ZNF560: variants seen among roughly 807,000 people sequenced by gnomAD.
The protein encoded by ZNF560 is zinc finger protein 560.
A neutral mutation model predicts 81.8 loss-of-function variants in ZNF560; 54 were observed. That is an observed-to-expected ratio of 0.66 (90% CI 0.53 to 0.83). The LOEUF (loss-of-function observed/expected upper bound fraction) is 0.83. Among genes scored for constraint, ZNF560 ranks in the 40% least tolerant of loss-of-function variants. ZNF560 has a pLI of 0.00. For missense variants in ZNF560, 940 were observed against 932.4 expected, an observed-to-expected ratio of 1.01 and a Z score of -0.11; for synonymous variants, 321 against 317.9, an observed-to-expected ratio of 1.01 and a Z score of -0.10.
At chr19:9,474,823 A>AAT (rs2073175332) in intron 3 of ZNF560, among the ~76,000 whole-genome samples, 1 of 85,684 alleles carries the variant, frequency 1.2e-5, no homozygotes, top group Non-Finnish European at 2.2e-5. Flanking sequence ...CATGCCTGGC[A>AAT]TTTTTTTTTT....
upstream of ZNF560, among the ~76,000 whole-genome samples, chr19:9,501,543 T>G (rs1313257396): frequency 2.0e-5 from 3 of 151,768 alleles, no homozygotes; most frequent in Non-Finnish European, 2.9e-5. Context: ...CTATTTTTAG[T>G]AGAGACAGGG....
intron 2 of ZNF560, among the ~76,000 whole-genome samples, chr19:9,481,132 T>G (rs1489373823): frequency 6.8e-6 from 1 of 146,174 alleles, no homozygotes. Flanking sequence ...ATCTACACCA[T>G]GTGATCTTTG....
At chr19:9,500,017 A>G (rs73002113), upstream of ZNF560, among the ~76,000 whole-genome samples, 15,411 of 152,122 alleles carry the variant, frequency 0.1, 914 homozygotes, top group South Asian at 0.2. Context: ...TCACCTATAA[A>G]TATATTTTTA....
At chr19:9,497,798 G>C (rs2073586404) in intron 2 of ZNF560, among the ~76,000 whole-genome samples, 1 of 152,124 alleles carries the variant, frequency 6.6e-6, no homozygotes, top group South Asian at 2.1e-4. Context: ...TCTAGTATTA[G>C]TGTGTAAACC....
At chr19:9,462,766 T>A (rs1004215984), downstream of ZNF560, among the ~76,000 whole-genome samples, 8 of 152,288 alleles carry the variant, frequency 5.3e-5, no homozygotes, top group African/African-American at 1.9e-4. Context: ...TTCCACATTT[T>A]AAAAAAACTT....
rs975702490 is a variant in ZNF560, at chr19:9,468,004, T to C, written c.943A>G (p.Ser315Gly). The change falls in exon 10 of 10, where the codon AGT becomes GGT. Residue 315 changes from serine (S) to glycine (G), a missense_variant. Transcript: ENST00000301480. ...SYLEAHRKTQ[S>G]GEKLNEWKQC... The stretch of plus-strand genomic sequence containing the variant: ...TTCCATTCATTGAGTTTTTCTCCAC[T>C]CTGAGTTTTCCTGTGTGCTTCAAGG... 1 of 1,614,188 alleles carries C rather than the reference T, an allele frequency of 6.2e-7. No homozygotes were observed. The highest frequency in any genetic ancestry group is 8.5e-7 in the Non-Finnish European group (1 of 1,180,028).
At chr19:9,492,719 A>T (rs2144727392) in intron 2 of ZNF560, among the ~76,000 whole-genome samples, 1 of 152,330 alleles carries the variant, frequency 6.6e-6, no homozygotes, top group East Asian at 1.9e-4. Flanking sequence ...GTTTCACAAG[A>T]CACAGTGTAT....
chr19:9,479,387 CAAAAG>C lies in ZNF560; in HGVS notation c.-56-4023_-56-4019del, dbSNP rs1204801445. Reference sequence around the variant, plus strand: ...CTTAAGGACATACATAAATTAAAAACAAAAGGGCAGGGGAAAAAACACTCCACACA... The same window carrying C: ...CTTAAGGACATACATAAATTAAAAACGGCAGGGGAAAAAACACTCCACACA... On this transcript the variant is annotated intron_variant, in intron 2 of 9. Transcript: ENST00000301480. 6.0e-5 allele frequency among the ~76,000 whole-genome samples: 9 copies of C among 150,076 alleles called. No homozygotes were observed. The East Asian group carries it at 1.7e-3, about 29-fold the overall frequency.
rs1339165761 is a variant in ZNF560, at chr19:9,466,475, T to G, written c.*99A>C. 11 of 1,110,768 alleles carry G rather than the reference T, an allele frequency of 9.9e-6. No individual in the cohort carries two copies. The highest frequency in any genetic ancestry group is 1.0e-5 in the Non-Finnish European group (8 of 771,084). 68.8% of individuals were successfully genotyped at this position (1,110,768 alleles called of 1,614,324 possible). A position where few individuals can be genotyped will look rare whatever the true frequency, so the allele number is the denominator to read the frequency against. On this transcript the variant is annotated 3_prime_UTR_variant, in exon 10 of 10. Transcript: ENST00000301480. ...TCAGGCTTTCTCACATTCCTTACAT[T>G]GATAGTGTTACTTTCTCCTGTGAAT...
intron 2 of ZNF560, among the ~76,000 whole-genome samples, 171 bp from the exon 3 acceptor site, chr19:9,475,540 A>T (rs1599659124): frequency 6.6e-6 from 1 of 152,308 alleles, no homozygotes; most frequent in Admixed American, 6.5e-5. Flanking sequence ...CTAGAGCAAG[A>T]AAAAGGAATT....
At chr19:9,457,580 C>T in the ZNF560 span, among the ~76,000 whole-genome samples, 1 of 152,206 alleles carries the variant, frequency 6.6e-6, no homozygotes, top group Non-Finnish European at 1.5e-5. Flanking sequence ...AAATATTACT[C>T]CAATGTTACG....
intron 3 of ZNF560, among the ~76,000 whole-genome samples, 190 bp from the exon 4 acceptor site, chr19:9,474,515 T>C (rs1459286079): frequency 6.6e-6 from 1 of 152,148 alleles, no homozygotes; most frequent in Non-Finnish European, 1.5e-5. Context: ...ACTTAACAAT[T>C]CCAGTTGTAT....
rs1474877018 is a variant in ZNF560 at position 9,484,102 on chromosome 19, T to C, written c.-56-8733A>G. ...CAGATGCTTGAAGGCAGCATGCTCG[T>C]TAAGAGTCATCACCACTCCCTAATC... On this transcript the variant is annotated intron_variant, in intron 2 of 9. Transcript: ENST00000301480. 2.0e-5 allele frequency among the ~76,000 whole-genome samples: 3 copies of C among 152,156 alleles called. No homozygotes were observed. In the East Asian group the frequency reaches 5.8e-4, roughly 29 times the overall value.
At chr19:9,493,116 T>C (rs949417142) in intron 2 of ZNF560, among the ~76,000 whole-genome samples, 2 of 152,118 alleles carry the variant, frequency 1.3e-5, no homozygotes, top group South Asian at 2.1e-4. Flanking sequence ...TAGAACCTCC[T>C]AGCACTTCCA....
At chr19:9,454,216 C>T in the ZNF560 span, among the ~76,000 whole-genome samples, 21 of 152,310 alleles carry the variant, frequency 1.4e-4, 1 homozygote, top group African/African-American at 4.6e-4. Flanking sequence ...ACTGCAGAAA[C>T]GATGTTTATC....
chr19:9,490,284 AAC>A (rs2073450613), intron 2 of ZNF560, among the ~76,000 whole-genome samples: 1 of 152,232 alleles, frequency 6.6e-6, no homozygotes, highest in African/African-American at 2.4e-5. Flanking sequence ...TACAGGAGAT[AAC>A]AATCATTAAG....
intron 2 of ZNF560, among the ~76,000 whole-genome samples, chr19:9,490,687 T>C (rs147496284): frequency 6.6e-6 from 1 of 152,172 alleles, no homozygotes; most frequent in African/African-American, 2.4e-5. Context: ...CAAAAACAGG[T>C]TGAAGATTAG....
intron 2 of ZNF560, among the ~76,000 whole-genome samples, chr19:9,488,083 T>C (rs1364242723): frequency 2.7e-5 from 4 of 150,842 alleles, no homozygotes; most frequent in Non-Finnish European, 5.9e-5. Flanking sequence ...AATAGATTAA[T>C]GCTACCAGGC....
At position 9,467,480 on chromosome 19, in the gene ZNF560, A is replaced by G; in HGVS notation, c.1467T>C (p.Asp489=). ...CAAAGACTTTCCCACACTGGTCACA[A>G]TCAAAGCGTTTCTGTCCTGTGTTAC... ...RRSNTGQKRF[D]CDQCGKVFVS... Residue 489 remains aspartate (D), a synonymous_variant, in exon 10 of 10, where the codon GAT becomes GAC. Transcript: ENST00000301480. 6.2e-7 allele frequency: 1 copy of G among 1,613,950 alleles called. No homozygotes were observed. Among genetic ancestry groups the G allele is most frequent in the South Asian group, 1.1e-5 (1 of 91,072 alleles).
Sources: allele counts gnomAD v4.1 joint callset (sites outside exome capture counted in the v4.1 genomes callset), GRCh38; gene constraint gnomAD v4.1.1; transcripts MANE v1.5; gene names NCBI Gene and HGNC (gene_info 2026-07-23, HGNC 2026-07-21).